MAF: variants seen among roughly 807,000 people sequenced by gnomAD.
The protein encoded by MAF is transcription factor Maf.
In MAF, 10 loss-of-function variants were observed where a neutral mutation model predicts 22.0. The ratio of observed to expected loss-of-function variants is 0.45; its 90% CI spans 0.28 to 0.77. The LOEUF (loss-of-function observed/expected upper bound fraction) is 0.77. Among genes scored for constraint, MAF ranks in the 30% least tolerant of loss-of-function variants. MAF has a pLI of 0.12. For missense variants in MAF, 544 were observed against 548.4 expected, an observed-to-expected ratio of 0.99 and a Z score of 0.08; for synonymous variants, 337 against 255.8, an observed-to-expected ratio of 1.32 and a Z score of -3.03.
the MAF span, among the ~76,000 whole-genome samples, chr16:79,231,397 T>C: frequency 6.6e-6 from 1 of 152,080 alleles, no homozygotes; most frequent in East Asian, 1.9e-4. Context: ...AGAAGGCCTA[T>C]CAAGGATGTA....
chr16:79,476,092 G>A, the MAF span, among the ~76,000 whole-genome samples: 1 of 152,176 alleles, frequency 6.6e-6, no homozygotes, highest in Non-Finnish European at 1.5e-5. Context: ...CCCGAACTCT[G>A]AGACTCAAAG....
chr16:79,319,545 A>G, the MAF span, among the ~76,000 whole-genome samples: 2 of 152,306 alleles, frequency 1.3e-5, no homozygotes, highest in East Asian at 3.9e-4. Flanking sequence ...TTTGGGCTGT[A>G]ACAGATCTGA....
chr16:79,428,811 T>G, the MAF span, among the ~76,000 whole-genome samples: 2 of 151,206 alleles, frequency 1.3e-5, no homozygotes, highest in Non-Finnish European at 2.9e-5. Flanking sequence ...TACCACTGCA[T>G]GTCAGGCCAG....
chr16:79,273,552 G>T, the MAF span, among the ~76,000 whole-genome samples: 1 of 152,176 alleles, frequency 6.6e-6, no homozygotes, highest in Non-Finnish European at 1.5e-5. Context: ...TGGAGGCTGT[G>T]GGGGAGAATC....
chr16:79,510,018 C>T, the MAF span, among the ~76,000 whole-genome samples: 18 of 152,298 alleles, frequency 1.2e-4, no homozygotes, highest in East Asian at 3.1e-3. Context: ...TCGCTTTGGA[C>T]ATGGCAGAAC....
the MAF span, among the ~76,000 whole-genome samples, chr16:79,568,973 A>T: frequency 1.1e-4 from 17 of 152,352 alleles, no homozygotes; most frequent in African/African-American, 4.1e-4. Context: ...AAGCCCCCTC[A>T]TGCAAGTTTA....
the MAF span, among the ~76,000 whole-genome samples, chr16:79,322,802 T>C: frequency 2.0e-5 from 3 of 152,058 alleles, no homozygotes; most frequent in African/African-American, 7.2e-5. Flanking sequence ...TGTCACCCTG[T>C]AGTCAGCTCA....
the MAF span, among the ~76,000 whole-genome samples, chr16:79,459,897 C>A: frequency 6.6e-6 from 1 of 152,126 alleles, no homozygotes; most frequent in South Asian, 2.1e-4. Flanking sequence ...TTACAAAGAA[C>A]ATTCTCATAA....
the MAF span, among the ~76,000 whole-genome samples, chr16:79,417,989 C>A: frequency 2.0e-5 from 3 of 152,132 alleles, no homozygotes; most frequent in African/African-American, 7.2e-5. Context: ...TGTTTTCCTC[C>A]TGCGCGGGTC....
At chr16:79,486,579 A>C in the MAF span, among the ~76,000 whole-genome samples, 128,775 of 152,192 alleles carry the variant, frequency 0.85, 55,044 homozygotes, top group East Asian at 1. Context: ...GTTCTGCAGA[A>C]AATGCTGTTT....
the MAF span, among the ~76,000 whole-genome samples, chr16:79,456,364 A>T: frequency 6.6e-6 from 1 of 152,190 alleles, no homozygotes; most frequent in Non-Finnish European, 1.5e-5. Flanking sequence ...TTGTCAGACC[A>T]GTGTTTTATG....
chr16:79,218,960 C>G, the MAF span, among the ~76,000 whole-genome samples: 1 of 152,244 alleles, frequency 6.6e-6, no homozygotes, highest in South Asian at 2.1e-4. Flanking sequence ...AGGTATTTAC[C>G]CCACTAGCCA....
chr16:79,224,631 C>T, the MAF span, among the ~76,000 whole-genome samples: 1 of 152,186 alleles, frequency 6.6e-6, no homozygotes. Context: ...AGCCCAAAAC[C>T]TCCTTAAGCA....
chr16:79,225,577 G>C, the MAF span, among the ~76,000 whole-genome samples: 2 of 152,118 alleles, frequency 1.3e-5, no homozygotes, highest in Admixed American at 6.5e-5. Context: ...ACTATCATCA[G>C]AGTGAACAGG....
the MAF span, among the ~76,000 whole-genome samples, chr16:79,436,852 C>G: frequency 1.3e-5 from 2 of 152,220 alleles, no homozygotes; most frequent in African/African-American, 4.8e-5. Context: ...TCTGGAGAGT[C>G]TGCACACACA....
At chr16:79,441,858 G>A in the MAF span, among the ~76,000 whole-genome samples, 1 of 152,224 alleles carries the variant, frequency 6.6e-6, no homozygotes, top group Non-Finnish European at 1.5e-5. Flanking sequence ...GAATGTCGAG[G>A]TAAAATTATC....
the MAF span, among the ~76,000 whole-genome samples, chr16:79,504,290 A>C: frequency 5.4e-4 from 82 of 152,340 alleles, no homozygotes; most frequent in Middle Eastern, 6.8e-3. Context: ...CTTATAGCTG[A>C]TAGCCTCCAC....
At chr16:79,551,826 G>T in the MAF span, among the ~76,000 whole-genome samples, 1 of 152,150 alleles carries the variant, frequency 6.6e-6, no homozygotes, top group African/African-American at 2.4e-5. Flanking sequence ...GAGTAGCTGA[G>T]TAGCTTGAGT....
chr16:79,474,608 G>C, the MAF span, among the ~76,000 whole-genome samples: 1 of 152,254 alleles, frequency 6.6e-6, no homozygotes, highest in South Asian at 2.1e-4. Flanking sequence ...ATATAAATGG[G>C]TTCAAATCAC....
Sources: allele counts gnomAD v4.1 joint callset (sites outside exome capture counted in the v4.1 genomes callset), GRCh38; gene constraint gnomAD v4.1.1; transcripts MANE v1.5; gene names NCBI Gene and HGNC (gene_info 2026-07-23, HGNC 2026-07-21).